LILRB1: variants seen among roughly 807,000 people sequenced by gnomAD.
LILRB1 encodes the protein leukocyte immunoglobulin-like receptor subfamily B member 1.
In LILRB1, 59 loss-of-function variants were observed where a neutral mutation model predicts 74.6. The observed-to-expected ratio is 0.79, with a 90% CI of 0.64 to 0.98. The LOEUF is 0.98. Among genes scored for constraint, LILRB1 ranks in the 50% least tolerant of loss-of-function variants. The pLI is 0.00. For missense variants in LILRB1, 804 were observed against 822.6 expected, an observed-to-expected ratio of 0.98 and a Z score of 0.28; for synonymous variants, 328 against 333.9, an observed-to-expected ratio of 0.98 and a Z score of 0.19.
Position 54,632,711 on chromosome 19 carries a change from C to G in LILRB1, c.909C>G (p.Leu303=). Reference sequence around the variant, plus strand: ...ACAGATGCTACGGTGCACACAACCTCTCCTCCGAGTGGTCGGCCCCCAGCG... The same window carrying G: ...ACAGATGCTACGGTGCACACAACCTGTCCTCCGAGTGGTCGGCCCCCAGCG... The part of the protein sequence containing the change: ...GQYRCYGAHN[L]SSEWSAPSDP... Residue 303 remains leucine, a synonymous_variant, in exon 6 of 15, where the codon CTC becomes CTG. Transcript: ENST00000324602. The G allele has an allele frequency of 6.2e-7, 1 of 1,612,688 alleles. No homozygotes were observed. The highest frequency in any genetic ancestry group is 8.5e-7 in the Non-Finnish European group (1 of 1,179,958).
At chr19:54,620,975 C>T (rs2063441178) in intron 1 of LILRB1, among the ~76,000 whole-genome samples, 1 of 152,096 alleles carries the variant, frequency 6.6e-6, no homozygotes, top group African/African-American at 2.4e-5. Context: ...TGGGTTCAAG[C>T]GATTCTCCTG....
At chr19:54,635,327 A>G (rs762752333) in intron 12 of LILRB1, 31 bp downstream of exon 12, 1 of 1,612,176 alleles carries the variant, frequency 6.2e-7, no homozygotes, top group Admixed American at 1.7e-5. Context: ...ACCAGCCAGG[A>G]GGGAGATGGG....
intron 1 of LILRB1, among the ~76,000 whole-genome samples, chr19:54,620,054 CAA>C (rs140253774): frequency 1.5e-5 from 2 of 135,042 alleles, no homozygotes; most frequent in Admixed American, 7.4e-5. Flanking sequence ...ATAGGTTTTG[CAA>C]AAAAAAAAGT....
chr19:54,621,388 C>T (rs539816901), intron 1 of LILRB1, among the ~76,000 whole-genome samples: 1 of 152,256 alleles, frequency 6.6e-6, no homozygotes, highest in South Asian at 2.1e-4. Context: ...TAAGTTGATA[C>T]TCAGTGTGGT....
chr19:54,629,518 A>G (rs1022159432), upstream of LILRB1, among the ~76,000 whole-genome samples: 18 of 152,300 alleles, frequency 1.2e-4, no homozygotes, highest in African/African-American at 4.1e-4. Context: ...TAAATGATCT[A>G]TGAACACCCT....
In LILRB1 at chr19:54,631,673, C is replaced by A. The variant is rs779278315; in HGVS notation, c.244C>A (p.Gln82Lys). Reference protein sequence around the residue: ...RIPQELVKKGQFPIPSITWEH... With the variant: ...RIPQELVKKGKFPIPSITWEH... ...CCCACAGGAGCTTGTGAAGAAGGGC[C>A]AGTTCCCCATCCCATCCATCACCTG... The change falls in exon 4 of 15, where the codon CAG (glutamine) becomes AAG (lysine). Residue 82 changes from glutamine to lysine, a missense_variant. By Grantham distance (53) the Gln-to-Lys change is moderately conservative. Coordinates refer to ENST00000324602, the MANE Select transcript of LILRB1 (RefSeq NM_001081637.3). The A allele has an allele frequency of 8.7e-6, 14 of 1,614,158 alleles. No individual in the cohort carries two copies. In the Admixed American group the frequency reaches 2.2e-4, roughly 25 times the overall value.
intron 1 of LILRB1, among the ~76,000 whole-genome samples, chr19:54,624,153 C>T (rs1319051624): frequency 6.6e-6 from 1 of 152,178 alleles, no homozygotes; most frequent in Non-Finnish European, 1.5e-5. Flanking sequence ...AGAGCTGGAA[C>T]CCCCGGCTTG....
rs1371072914 is a variant in LILRB1, at chr19:54,633,228, C to T, written c.1171C>T (p.His391Tyr). The change falls in exon 7 of 15, where the codon CAT (histidine) becomes TAT (tyrosine). Residue 391 changes from histidine to tyrosine, a missense_variant. His to Tyr is a moderately conservative substitution (Grantham distance 83). Transcript: ENST00000324602. ...EFPMGPVTSA[H>Y]AGTYRCYGSQ... ...CCCCATGGGTCCTGTGACCTCAGCC[C>T]ATGCGGGGACCTACAGGTGCTACGG... 6.2e-7 allele frequency: 1 copy of T among 1,614,060 alleles called. No homozygotes were observed. The highest frequency in any genetic ancestry group is 1.7e-5 in the Admixed American group (1 of 60,012).
upstream of LILRB1, among the ~76,000 whole-genome samples, chr19:54,627,828 G>C (rs1434285943): frequency 6.6e-6 from 1 of 152,116 alleles, no homozygotes; most frequent in Non-Finnish European, 1.5e-5. Flanking sequence ...CAGATGTGTG[G>C]GATTTTTTTT....
At chr19:54,616,639 G>A (rs572026229), upstream of LILRB1, among the ~76,000 whole-genome samples, 1 of 152,248 alleles carries the variant, frequency 6.6e-6, no homozygotes, top group East Asian at 1.9e-4. Context: ...TTTCTAGGAA[G>A]TTGTTGTTTA....
intron 1 of LILRB1, among the ~76,000 whole-genome samples, chr19:54,625,100 A>G (rs3916009): frequency 0.54 from 61,528 of 114,956 alleles, 17,941 homozygotes; most frequent in Non-Finnish European, 0.65. Context: ...GGCAGCAGGG[A>G]CAGAGGCAGA....
At chr19:54,633,837 G>A (rs908216766) in intron 8 of LILRB1, 134 bp from the exon 9 acceptor site, 1 of 1,451,096 alleles carries the variant, frequency 6.9e-7, no homozygotes, top group African/African-American at 1.4e-5. Flanking sequence ...GGTCCCCAGG[G>A]CTCTGAGGCT....
rs1340376746 is a variant in LILRB1, at chr19:54,630,780, C to G, written c.-49+147C>G. The G allele has an allele frequency of 8.1e-6, 6 of 738,650 alleles. No homozygotes were observed. In the African/African-American group the frequency reaches 1.0e-4, roughly 13 times the overall value. The allele number at this position is 738,650 out of a possible 1,614,324, so 45.8% of individuals were successfully genotyped here. ...GAACCAGTTTTATTTGCTGCTACAT[C>G]CTGGCTCTCAGTGGGATGAAAACAA... On this transcript the variant is annotated intron_variant, in intron 1 of 14. Coordinates refer to ENST00000324602, the MANE Select transcript of LILRB1 (RefSeq NM_001081637.3).
chr19:54,632,863 G>T, intron 6 of LILRB1, 103 bp downstream of exon 6: 9 of 1,557,394 alleles, frequency 5.8e-6, no homozygotes, highest in Admixed American at 1.8e-5. Flanking sequence ...GGTCCCAAGG[G>T]AGGGAGAGAC....
At chr19:54,617,695 G>A (rs2063346222) in intron 1 of LILRB1, among the ~76,000 whole-genome samples, 1 of 151,958 alleles carries the variant, frequency 6.6e-6, no homozygotes, top group Non-Finnish European at 1.5e-5. Flanking sequence ...TTCTTCCTCT[G>A]TACTTTGAGA....
At chr19:54,635,030 T>C in intron 10 of LILRB1, 74 bp from the exon 11 acceptor site, 1 of 1,325,574 alleles carries the variant, frequency 7.5e-7, no homozygotes, top group Non-Finnish European at 1.0e-6. Flanking sequence ...TTTCCTTCCT[T>C]ACCTTCGAGC....
intron 1 of LILRB1, among the ~76,000 whole-genome samples, chr19:54,623,905 G>A (rs1236033628): frequency 2.0e-5 from 3 of 152,194 alleles, no homozygotes; most frequent in African/African-American, 4.8e-5. Flanking sequence ...GGGTCTTTTG[G>A]CTTTTCCCAT....
At chr19:54,633,397 G>A (rs2064092993) in intron 7 of LILRB1, 79 bp downstream of exon 7, 2 of 1,532,992 alleles carry the variant, frequency 1.3e-6, no homozygotes. Context: ...GGGCTGGGAT[G>A]GAGTGAGCGG....
At chr19:54,627,626 A>G (rs1045293251), upstream of LILRB1, among the ~76,000 whole-genome samples, 6 of 152,208 alleles carry the variant, frequency 3.9e-5, no homozygotes, top group African/African-American at 1.2e-4. Flanking sequence ...ATCTCCTCCA[A>G]TGGACTGACA....
Sources: allele counts gnomAD v4.1 joint callset (sites outside exome capture counted in the v4.1 genomes callset), GRCh38; gene constraint gnomAD v4.1.1; transcripts MANE v1.5; gene names NCBI Gene and HGNC (gene_info 2026-07-23, HGNC 2026-07-21).